Variants in MAPK6 observed in about 807,000 individuals in gnomAD.
MAPK6 encodes the protein mitogen-activated protein kinase 6.
MAPK6 carries 19 observed loss-of-function variants against 59.3 expected under a neutral mutation model. The ratio of observed to expected loss-of-function variants is 0.32; its 90% CI spans 0.22 to 0.47. The LOEUF (loss-of-function observed/expected upper bound fraction) is 0.47, where lower values mean the gene tolerates loss of function less well. MAPK6 is among the 20% of genes least tolerant of loss of function. MAPK6 has a pLI of 1.00. For missense variants in MAPK6, 724 were observed against 847.9 expected, an observed-to-expected ratio of 0.85 and a Z score of 1.81; for synonymous variants, 316 against 290.3, an observed-to-expected ratio of 1.09 and a Z score of -0.90.
rs899742978 is a variant in MAPK6, at chr15:51,971,864, G to A, written c.-922G>A. On this transcript the variant is annotated 5_prime_UTR_variant, in exon 1 of 8. Coordinates refer to the MAPK6 transcript ENST00000691380. ...TCGCCGAAGACACTCCTTTCCTTACGTGACCTAGTTTTCGCTCGCCCAGTG... is the reference window on the plus strand; with the variant it reads ...TCGCCGAAGACACTCCTTTCCTTACATGACCTAGTTTTCGCTCGCCCAGTG... The A allele has an allele frequency of 9.1e-6, 10 of 1,104,624 alleles. No homozygotes were observed. The Middle Eastern group carries it at 5.9e-4, about 65-fold the overall frequency. 68.4% of individuals were successfully genotyped at this position (1,104,624 alleles called of 1,614,324 possible).
rs144127897 is a variant in MAPK6 at position 52,037,370 on chromosome 15, G to A, written c.-631-8460G>A. On this transcript the variant is annotated intron_variant, in intron 1 of 5. Transcript: ENST00000261845. ...TTAGCTCAAAAACAACAGCAGTCAC[G>A]TTTGATCTGTAGTCTGAAAAGCTGT... Among the ~76,000 whole-genome samples, 6 of 152,284 alleles carry A rather than the reference G, an allele frequency of 3.9e-5. No homozygotes were observed. The East Asian group carries it at 7.7e-4, about 20-fold the overall frequency.
intron 5 of MAPK6, among the ~76,000 whole-genome samples, chr15:52,062,431 T>TC (rs2032239709): frequency 6.6e-6 from 1 of 152,232 alleles, no homozygotes; most frequent in Non-Finnish European, 1.5e-5. Flanking sequence ...TATAATGTTA[T>TC]CCATATTTTG....
At chr15:52,056,283 T>C (rs1469515615) in intron 3 of MAPK6, among the ~76,000 whole-genome samples, 1 of 152,236 alleles carries the variant, frequency 6.6e-6, no homozygotes, top group Admixed American at 6.5e-5. Flanking sequence ...ATCTCTTGCA[T>C]CTTCACTTTA....
At chr15:52,040,026 G>A (rs1373568794) in intron 1 of MAPK6, among the ~76,000 whole-genome samples, 2 of 152,084 alleles carry the variant, frequency 1.3e-5, no homozygotes, top group Non-Finnish European at 2.9e-5. Flanking sequence ...ATCCTGAAAG[G>A]GCCCCTGATA....
intron 4 of MAPK6, among the ~76,000 whole-genome samples, chr15:52,059,078 T>C (rs1410078912): frequency 1.3e-5 from 2 of 152,214 alleles, no homozygotes; most frequent in African/African-American, 4.8e-5. Context: ...ATTTTTTCCC[T>C]CAGATATACT....
At chr15:51,977,567 C>T (rs2921957) in intron 1 of MAPK6, among the ~76,000 whole-genome samples, 52,926 of 151,290 alleles carry the variant, frequency 0.35, 10,051 homozygotes, top group Admixed American at 0.43. Context: ...ACAAAGTCTC[C>T]CTCTGTCACC....
chr15:51,988,207 T>A (rs953209031), intron 2 of MAPK6, among the ~76,000 whole-genome samples: 1 of 151,868 alleles, frequency 6.6e-6, no homozygotes, highest in Non-Finnish European at 1.5e-5. Context: ...AAATCCAACA[T>A]CTAAGGAAAC....
At chr15:51,992,537 C>T (rs1314957124) in intron 2 of MAPK6, among the ~76,000 whole-genome samples, 4 of 151,834 alleles carry the variant, frequency 2.6e-5, no homozygotes, top group Admixed American at 2.6e-4. Flanking sequence ...ATCTTCTGAC[C>T]TTGCGATCCA....
chr15:52,054,526 T>C (rs1004002390), intron 3 of MAPK6, among the ~76,000 whole-genome samples: 3 of 152,202 alleles, frequency 2.0e-5, no homozygotes, highest in South Asian at 4.1e-4. Context: ...AATATCTTTT[T>C]GTGACCAAGT....
At chr15:52,032,062 G>A (rs1476512693) in intron 1 of MAPK6, among the ~76,000 whole-genome samples, 3 of 151,842 alleles carry the variant, frequency 2.0e-5, no homozygotes, top group African/African-American at 7.3e-5. Context: ...TTTTAGTAGA[G>A]ATAGGGTTTC....
chr15:51,989,816 C>G (rs2057202500), intron 2 of MAPK6, among the ~76,000 whole-genome samples: 1 of 152,152 alleles, frequency 6.6e-6, no homozygotes. Context: ...GTTGCCCAGG[C>G]TGGTCTCGAA....
intron 3 of MAPK6, among the ~76,000 whole-genome samples, chr15:52,008,443 C>T (rs535670082): frequency 6.6e-6 from 1 of 152,166 alleles, no homozygotes; most frequent in Non-Finnish European, 1.5e-5. Context: ...TGTATTAATA[C>T]TTATTTGCTT....
chr15:52,025,472 C>A (rs1444135695), intron 1 of MAPK6, among the ~76,000 whole-genome samples: 4 of 152,168 alleles, frequency 2.6e-5, no homozygotes, highest in Non-Finnish European at 5.9e-5. Flanking sequence ...AAGTAGTGCA[C>A]TTGAGGAATT....
intron 4 of MAPK6, among the ~76,000 whole-genome samples, chr15:52,060,877 T>A (rs982116160): frequency 1.3e-5 from 2 of 152,234 alleles, no homozygotes; most frequent in Non-Finnish European, 2.9e-5. Context: ...TTGTACCTTA[T>A]GAAATATCTA....
intron 2 of MAPK6, among the ~76,000 whole-genome samples, chr15:52,047,814 C>T (rs2141089698): frequency 6.6e-6 from 1 of 152,256 alleles, no homozygotes; most frequent in South Asian, 2.1e-4. Context: ...CTCTTTGAGC[C>T]TGTACTATTC....
intron 1 of MAPK6, among the ~76,000 whole-genome samples, chr15:52,028,512 A>G (rs2141867443): frequency 6.6e-6 from 1 of 152,318 alleles, no homozygotes; most frequent in East Asian, 1.9e-4. Flanking sequence ...GTAGCTACTA[A>G]TCAATAGTGC....
chr15:51,995,074 C>G (rs2057220699), intron 2 of MAPK6, among the ~76,000 whole-genome samples: 1 of 152,204 alleles, frequency 6.6e-6, no homozygotes, highest in African/African-American at 2.4e-5. Flanking sequence ...CAAGAAGTCT[C>G]TGAGTCAGAG....
chr15:52,047,069 G>A (rs2031614021), intron 2 of MAPK6, 54 bp downstream of exon 2: 2 of 1,259,098 alleles, frequency 1.6e-6, no homozygotes, highest in Admixed American at 2.7e-5. Context: ...ACCTAATCAG[G>A]AATAGGTACT....
At chr15:52,012,000 G>A (rs975220022) in intron 3 of MAPK6, among the ~76,000 whole-genome samples, 1 of 152,144 alleles carries the variant, frequency 6.6e-6, no homozygotes, top group Non-Finnish European at 1.5e-5. Context: ...ATTGTTTTCT[G>A]ATTGAATGCT....
Sources: gnomAD v4.1 joint callset for allele counts (sites outside exome capture counted in the v4.1 genomes callset) on GRCh38, gnomAD v4.1.1 for gene constraint, MANE v1.5 for transcripts, NCBI Gene and HGNC (gene_info 2026-07-23, HGNC 2026-07-21) for gene names.